Variants in DMD observed in about 807,000 individuals in gnomAD.
The protein encoded by DMD is dystrophin, also known as mutant dystrophin.
A neutral mutation model predicts 330.1 loss-of-function variants in DMD; 63 were observed. That is an observed-to-expected ratio of 0.19 (90% CI 0.16 to 0.24). DMD has a LOEUF of 0.24. Ranked by LOEUF, DMD falls within the 10% of genes least tolerant of loss-of-function variation. The pLI, the probability that DMD is intolerant of heterozygous loss-of-function variation, is 1.00. For missense variants in DMD, 3,344 were observed against 2,684.1 expected (o/e 1.25, Z -5.43); for synonymous variants, 1,223 against 959.8 (o/e 1.27, Z -5.07).
At chrX:33,218,037 C>A (rs1362288064) in intron 1 of DMD, among the ~76,000 whole-genome samples, 2 of 111,215 alleles carry the variant, frequency 1.8e-5, no homozygotes, top group African/African-American at 3.3e-5. Context: ...GGTGTAAATT[C>A]TTTCATTATT....
intron 2 of DMD, among the ~76,000 whole-genome samples, chrX:32,923,004 T>C (rs1232261808): frequency 9.0e-6 from 1 of 111,690 alleles, no homozygotes; most frequent in African/African-American, 3.3e-5. Flanking sequence ...AAATATGAAT[T>C]GATATATTTT....
chrX:32,378,864 C>A (rs1403363709), intron 34 of DMD, among the ~76,000 whole-genome samples: 2 of 110,253 alleles, frequency 1.8e-5, no homozygotes, highest in East Asian at 5.7e-4. Context: ...TACCAAGAAA[C>A]CATGAGAAAT....
chrX:31,126,387 A>G (rs1444443484), intron 78 of DMD, among the ~76,000 whole-genome samples: 2 of 111,793 alleles, frequency 1.8e-5, no homozygotes, highest in African/African-American at 6.5e-5. Context: ...CCTAGGGACT[A>G]CAAAGGATTG....
chrX:33,211,731 T>C (rs150939177), upstream of DMD, among the ~76,000 whole-genome samples: 880 of 112,438 alleles, frequency 7.8e-3, 7 homozygotes, highest in African/African-American at 0.023. Flanking sequence ...TGTGTTCTGA[T>C]TAATATCCAA....
chrX:32,798,000 A>ACT (rs2076296914), intron 7 of DMD, among the ~76,000 whole-genome samples: 1 of 111,941 alleles, frequency 8.9e-6, no homozygotes, highest in African/African-American at 3.2e-5. Flanking sequence ...CTCTTACTTA[A>ACT]CTAAAGCATA....
chrX:31,172,452 C>T (rs761173956), intron 72 of DMD, 39 bp from the exon 73 acceptor site: 25 of 1,011,720 alleles, frequency 2.5e-5, no homozygotes, highest in Admixed American at 6.7e-5. Flanking sequence ...ACTTATGTGA[C>T]GTCTTAGAAT....
At position 32,389,670 on chromosome X, in the gene DMD, T is replaced by A. The variant is rs1178271418; in HGVS notation, c.4349A>T (p.Lys1450Ile). Residue 1450 changes from lysine (K) to isoleucine (I), a missense_variant, in exon 32 of 79, where the codon AAA becomes ATA. Coordinates refer to ENST00000357033, the MANE Select transcript of DMD (RefSeq NM_004006.3). ...AAACTTCATGGAGACATCTTGTAAT[T>A]TTTTCTGTAAGGACAGTGTAAAAAG... ...VLSQIDVAQKKLQDVSMKFRL... is the reference protein window; with the variant it reads ...VLSQIDVAQKILQDVSMKFRL... The A allele has an allele frequency of 8.3e-7, 1 of 1,208,310 alleles. No individual in the cohort carries two copies. Among genetic ancestry groups the A allele is most frequent in the Non-Finnish European group, 1.1e-6 (1 of 894,436 alleles).
intron 42 of DMD, among the ~76,000 whole-genome samples, chrX:32,290,108 G>C (rs1159301609): frequency 9.0e-6 from 1 of 111,611 alleles, no homozygotes; most frequent in Non-Finnish European, 1.9e-5. Flanking sequence ...CATTACTTGA[G>C]TATAACAACT....
intron 16 of DMD, among the ~76,000 whole-genome samples, chrX:32,550,901 T>C (rs1388205449): frequency 9.0e-6 from 1 of 110,752 alleles, no homozygotes; most frequent in Non-Finnish European, 1.9e-5. Flanking sequence ...AATGGATAAA[T>C]TGCTAGAAAC....
intron 52 of DMD, among the ~76,000 whole-genome samples, chrX:31,727,139 A>G (rs1206366385): frequency 5.3e-5 from 6 of 112,454 alleles, no homozygotes; most frequent in Admixed American, 3.8e-4. Context: ...CATTAGTAAA[A>G]TAACAAATGA....
chrX:31,321,615 G>GAAAGAAAC (rs2056438698), intron 62 of DMD, among the ~76,000 whole-genome samples: 1 of 58,061 alleles, frequency 1.7e-5, no homozygotes, highest in African/African-American at 8.1e-5. Flanking sequence ...AAAAAAGAAA[G>GAAAGAAAC]AAACCAAGAT....
intron 43 of DMD, among the ~76,000 whole-genome samples, chrX:32,224,991 G>C (rs2097142792): frequency 9.0e-6 from 1 of 111,680 alleles, no homozygotes; most frequent in Non-Finnish European, 1.9e-5. Flanking sequence ...CACCTAAAGT[G>C]ACCTCTTTCC....
chrX:31,806,484 T>A (rs1334983408), intron 50 of DMD, among the ~76,000 whole-genome samples: 6 of 112,769 alleles, frequency 5.3e-5, no homozygotes, highest in African/African-American at 1.9e-4. Context: ...CAGATGGATT[T>A]CAATATTTTG....
chrX:32,449,597 T>G (rs2098321331), intron 26 of DMD, among the ~76,000 whole-genome samples: 1 of 107,594 alleles, frequency 9.3e-6, no homozygotes, highest in African/African-American at 3.4e-5. Context: ...TTTTTTTTTT[T>G]CATCCACACG....
intron 48 of DMD, among the ~76,000 whole-genome samples, chrX:31,859,768 GTTGTT>G (rs959603061): frequency 1.8e-5 from 2 of 112,683 alleles, no homozygotes; most frequent in African/African-American, 6.4e-5. Context: ...GAAGAATTGT[GTTGTT>G]TTAAGTATTG....
chrX:31,796,528 T>C (rs2091839930), intron 50 of DMD, among the ~76,000 whole-genome samples: 4 of 112,269 alleles, frequency 3.6e-5, no homozygotes, highest in Admixed American at 2.8e-4. Flanking sequence ...CGTGGTAGCT[T>C]GTCAGCAGGT....
intron 74 of DMD, among the ~76,000 whole-genome samples, chrX:31,167,983 G>A (rs1378669920): frequency 8.9e-6 from 1 of 112,250 alleles, no homozygotes; most frequent in Non-Finnish European, 1.9e-5. Flanking sequence ...AGTGCTCTGG[G>A]AATAGAGGCA....
chrX:33,096,425 T>C (rs1464695016), intron 1 of DMD, among the ~76,000 whole-genome samples: 3 of 112,054 alleles, frequency 2.7e-5, no homozygotes, highest in Admixed American at 1.9e-4. Context: ...GTAAGATATA[T>C]TTTTAAATCT....
chrX:31,389,198 G>C (rs1016354732), intron 60 of DMD, among the ~76,000 whole-genome samples: 3 of 111,775 alleles, frequency 2.7e-5, no homozygotes, highest in African/African-American at 9.7e-5. Flanking sequence ...TTGTGCAACA[G>C]GCATATTCTT....
Sources: gnomAD v4.1 joint callset for allele counts (sites outside exome capture counted in the v4.1 genomes callset) on GRCh38, gnomAD v4.1.1 for gene constraint, MANE v1.5 for transcripts, NCBI Gene and HGNC (gene_info 2026-07-23, HGNC 2026-07-21) for gene names.